OR2L13: variants seen among roughly 807,000 people sequenced by gnomAD.
The protein encoded by OR2L13 is olfactory receptor family 2 subfamily L member 13, also known as olfactory receptor 2L13.
Under a neutral mutation model 15.3 loss-of-function variants are expected in OR2L13, and 14 were observed. The ratio of observed to expected loss-of-function variants is 0.91; its 90% CI spans 0.60 to 1.43. The LOEUF is 1.43. Ranked by LOEUF, OR2L13 falls within the 40% of genes most tolerant of loss-of-function variation. OR2L13 has a pLI of 0.00. For missense variants in OR2L13, 367 were observed against 387.9 expected, an observed-to-expected ratio of 0.95 and a Z score of 0.45; for synonymous variants, 152 against 142.9, an observed-to-expected ratio of 1.06 and a Z score of -0.45.
chr1:248,082,780 A>G, the OR2L13 span, among the ~76,000 whole-genome samples: 4 of 152,182 alleles, frequency 2.6e-5, no homozygotes, highest in African/African-American at 9.6e-5. Flanking sequence ...AGGTGACTCA[A>G]TTATGTATAA....
the OR2L13 span, chr1:247,966,156 A>G: frequency 3.1e-6 from 5 of 1,614,134 alleles, no homozygotes; most frequent in South Asian, 5.5e-5. Context: ...TTACCTACAC[A>G]AGGCCACACT....
the OR2L13 span, chr1:248,022,245 A>G: frequency 6.2e-7 from 1 of 1,614,016 alleles, no homozygotes; most frequent in Non-Finnish European, 8.5e-7. Flanking sequence ...TGGGATTCAG[A>G]GTTTCTTCTT....
the OR2L13 span, chr1:247,991,160 G>A: frequency 1.2e-6 from 2 of 1,606,198 alleles, no homozygotes; most frequent in East Asian, 4.5e-5. Flanking sequence ...GAGGTGATGG[G>A]GGCCCTGACA....
the OR2L13 span, among the ~76,000 whole-genome samples, chr1:248,000,568 A>G: frequency 6.6e-6 from 1 of 152,180 alleles, no homozygotes; most frequent in South Asian, 2.1e-4. Context: ...TCTTCATTTG[A>G]AACTTTGGCA....
chr1:247,990,791 A>T, the OR2L13 span: 1 of 1,602,778 alleles, frequency 6.2e-7, no homozygotes, highest in South Asian at 1.1e-5. Flanking sequence ...GCCATCAATC[A>T]TTTTTTCTGT....
At chr1:247,939,906 G>T in the OR2L13 span, among the ~76,000 whole-genome samples, 3 of 151,998 alleles carry the variant, frequency 2.0e-5, no homozygotes, top group Non-Finnish European at 4.4e-5. Context: ...CACTAAAATT[G>T]TAAGAATATA....
chr1:248,037,512 CAA>C, the OR2L13 span, among the ~76,000 whole-genome samples: 3 of 152,048 alleles, frequency 2.0e-5, no homozygotes, highest in South Asian at 6.2e-4. Context: ...AGTTGTAAGA[CAA>C]ATGATTTTTC....
exon 3 of OR2L13, chr1:248,099,574 C>T: frequency 6.2e-7 from 1 of 1,614,074 alleles, no homozygotes; most frequent in South Asian, 1.1e-5. Flanking sequence ...CCAGCTCTCC[C>T]TTATGGACCT....
chr1:248,085,436 T>TAAAATAAAATAAATAAAATAA, the OR2L13 span, among the ~76,000 whole-genome samples: 1 of 84,552 alleles, frequency 1.2e-5, no homozygotes, highest in Admixed American at 1.4e-4. Flanking sequence ...TAAAATAAAA[T>TAAAATAAAATAAATAAAATAA]AATAAAATAA....
the OR2L13 span, chr1:247,975,067 A>T: frequency 1.2e-5 from 4 of 327,902 alleles, no homozygotes; most frequent in Non-Finnish European, 2.4e-5. Context: ...TAGCAGGTGC[A>T]GAAATGCTGC....
the OR2L13 span, among the ~76,000 whole-genome samples, chr1:247,958,055 T>C: frequency 6.6e-6 from 1 of 152,216 alleles, no homozygotes; most frequent in Non-Finnish European, 1.5e-5. Context: ...TTTAGATCTT[T>C]CCTGCTTTCT....
At chr1:247,976,460 G>A in the OR2L13 span, among the ~76,000 whole-genome samples, 1 of 148,982 alleles carries the variant, frequency 6.7e-6, no homozygotes, top group Non-Finnish European at 1.5e-5. Flanking sequence ...AACTTATACT[G>A]TATTATATAT....
the OR2L13 span, among the ~76,000 whole-genome samples, chr1:248,058,717 ATATAT>A: frequency 6.6e-6 from 1 of 151,980 alleles, no homozygotes; most frequent in Admixed American, 6.6e-5. Context: ...ATGATGGTTA[ATATAT>A]TTCATTTCAG....
At chr1:247,975,634 C>T in the OR2L13 span, 1 of 1,219,316 alleles carries the variant, frequency 8.2e-7, no homozygotes, top group Non-Finnish European at 1.2e-6. Context: ...ACGAGTGAGT[C>T]AGAGAATCTT....
chr1:247,954,779 G>A, the OR2L13 span, among the ~76,000 whole-genome samples: 3 of 151,980 alleles, frequency 2.0e-5, no homozygotes. Context: ...TTTTCATCAT[G>A]TTCAGGAGGA....
At chr1:248,029,386 T>A in the OR2L13 span, among the ~76,000 whole-genome samples, 1 of 152,140 alleles carries the variant, frequency 6.6e-6, no homozygotes, top group African/African-American at 2.4e-5. Flanking sequence ...GTATCATTAA[T>A]TCATTTAGTA....
chr1:247,975,397 C>A, the OR2L13 span: 2 of 654,974 alleles, frequency 3.1e-6, no homozygotes, highest in Middle Eastern at 5.3e-4. Flanking sequence ...TACTGTCTAC[C>A]ACATTAAATC....
At chr1:248,096,284 G>A (rs567864644), upstream of OR2L13, among the ~76,000 whole-genome samples, 1,822 of 152,062 alleles carry the variant, frequency 0.012, 17 homozygotes, top group Non-Finnish European at 0.02. Flanking sequence ...TGGGGAGGCT[G>A]AGGCAGGAGA....
the OR2L13 span, chr1:247,975,429 C>A: frequency 1.4e-6 from 1 of 712,710 alleles, no homozygotes; most frequent in Admixed American, 1.8e-5. Context: ...GGAAGAAGGC[C>A]TATTCGACCT....
Sources: allele counts gnomAD v4.1 joint callset (sites outside exome capture counted in the v4.1 genomes callset), GRCh38; gene constraint gnomAD v4.1.1; transcripts MANE v1.5; gene names NCBI Gene and HGNC (gene_info 2026-07-23, HGNC 2026-07-21).